Variants in NFE2 observed in about 807,000 individuals in gnomAD.
NFE2 encodes nuclear factor, erythroid 2, also known as transcription factor NF-E2 45 kDa subunit.
Under a neutral mutation model 25.8 loss-of-function variants are expected in NFE2, and 13 were observed. The observed-to-expected ratio is 0.50, with a 90% confidence interval of 0.33 to 0.80. NFE2 has a LOEUF of 0.80. NFE2 is among the 30% of genes least tolerant of loss of function. NFE2 has a pLI of 0.02. For synonymous variants in NFE2, 204 were observed against 200.2 expected (o/e 1.02, Z -0.16); for missense variants, 382 against 478.9 (o/e 0.80, Z 1.89).
intron 2 of NFE2, among the ~76,000 whole-genome samples, chr12:54,293,998 T>C (rs1944344895): frequency 6.6e-6 from 1 of 152,080 alleles, no homozygotes; most frequent in Non-Finnish European, 1.5e-5. Flanking sequence ...CCAGGCATGG[T>C]GGCTCAGGCC....
chr12:54,298,625 G>T (rs1053421794), intron 1 of NFE2, among the ~76,000 whole-genome samples: 3 of 151,992 alleles, frequency 2.0e-5, no homozygotes, highest in Admixed American at 2.0e-4. Flanking sequence ...GCCATAGGTT[G>T]CATCTAGCTC....
rs1337317495 is a variant in NFE2 at position 54,295,151 on chromosome 12, G to T, written c.98C>A (p.Ser33Tyr). Residue 33 changes from serine (S) to tyrosine (Y), a missense_variant, in exon 2 of 3, where the codon TCC (serine) becomes TAC (tyrosine). Transcript: ENST00000435572. ...CTTACTCACCTGCAGCTCGGTGATG[G>T]ACATGATCTCCTGCCAAGTCAGTTC... Reference protein sequence around the residue: ...EMELTWQEIMSITELQGLNAP... With the variant: ...EMELTWQEIMYITELQGLNAP... 3 of 1,613,914 alleles carry T rather than the reference G, an allele frequency of 1.9e-6. No homozygotes were observed. In the Admixed American group the frequency reaches 5.0e-5, roughly 27 times the overall value.
At chr12:54,297,111 T>G (rs886584769) in intron 1 of NFE2, among the ~76,000 whole-genome samples, 22 of 151,886 alleles carry the variant, frequency 1.4e-4, no homozygotes, top group African/African-American at 5.1e-4. Context: ...GGGAAGCACT[T>G]TGGGAGGCCA....
intron 1 of NFE2, among the ~76,000 whole-genome samples, chr12:54,300,452 G>A (rs1382544989): frequency 6.6e-6 from 1 of 152,108 alleles, no homozygotes; most frequent in Admixed American, 6.5e-5. Flanking sequence ...AATGGAGTTG[G>A]GGAAAGGGTA....
At chr12:54,298,057 G>A (rs1018042022) in intron 1 of NFE2, among the ~76,000 whole-genome samples, 2 of 152,074 alleles carry the variant, frequency 1.3e-5, no homozygotes, top group African/African-American at 4.8e-5. Flanking sequence ...ATGGAGAAGG[G>A]GTTTAGGAGG....
intron 1 of NFE2, among the ~76,000 whole-genome samples, chr12:54,297,479 C>T (rs1168697224): frequency 6.7e-6 from 1 of 148,838 alleles, no homozygotes; most frequent in African/African-American, 2.5e-5. Flanking sequence ...GCCTGGCCAA[C>T]ATGGTGAAAC....
intron 1 of NFE2, among the ~76,000 whole-genome samples, chr12:54,297,428 C>G (rs1398843405): frequency 6.8e-6 from 1 of 146,666 alleles, no homozygotes; most frequent in Non-Finnish European, 1.5e-5. Context: ...CTTTGGGAGG[C>G]TGAGGCAGGT....
intron 2 of NFE2, among the ~76,000 whole-genome samples, chr12:54,294,209 G>A (rs1212284613): frequency 6.7e-6 from 1 of 149,678 alleles, no homozygotes; most frequent in Admixed American, 6.7e-5. Context: ...CTGCACTCCA[G>A]CCTGGGCGCC....
Position 54,292,627 on chromosome 12 carries a change from G to A in NFE2, c.869C>T (p.Thr290Ile). ...AQNCRKRKLE[T>I]IVQLERELER... ...CAGCTCCCGCTCCAGCTGCACAATG[G>A]TTTCCAGCTTCCTCTTGCGGCAGTT... Residue 290 changes from threonine to isoleucine, a missense_variant, in exon 3 of 3, where the codon ACC becomes ATC. Transcript: ENST00000435572. 6.2e-7 allele frequency: 1 copy of A among 1,614,206 alleles called. No homozygotes were observed. The highest frequency in any genetic ancestry group is 8.5e-7 in the Non-Finnish European group (1 of 1,180,046).
At chr12:54,295,046 G>C in intron 2 of NFE2, 89 bp downstream of exon 2, 1 of 1,024,388 alleles carries the variant, frequency 9.8e-7, no homozygotes, top group Non-Finnish European at 1.5e-6. Context: ...AGCCCTGCTT[G>C]CTCCTGCCCT....
At position 54,292,458 on chromosome 12, in the gene NFE2, A is replaced by C. The variant is rs775258046; in HGVS notation, c.1038T>G (p.Ser346=). The C allele has an allele frequency of 8.1e-6, 13 of 1,614,040 alleles. No individual in the cohort carries two copies. Among genetic ancestry groups the C allele is most frequent in the Non-Finnish European group, 1.1e-5 (13 of 1,180,020 alleles). Residue 346 remains serine, a synonymous_variant, in exon 3 of 3, where the codon TCT becomes TCG. Transcript: ENST00000435572. ...CCTGTTGCAGCGCGTACTCTTCAGG[A>C]GAGTAGCTGTTGCCTGATTCATCCC... ...HLRDESGNSY[S]PEEYALQQAA...
At position 54,295,229 on chromosome 12, in the gene NFE2, T is replaced by TG. The variant is rs1944360983; in HGVS notation, c.19dup (p.Gln7ProfsTer39). On this transcript the variant is annotated frameshift_variant, in exon 2 of 3. Coordinates refer to ENST00000435572, the MANE Select transcript of NFE2 (RefSeq NM_001136023.3). LOFTEE classifies it high-confidence loss of function. ...CTGTATCACCCTGTTCCTGCTCTGC[T>TG]GGGGAGGACACGGGGACATCCTACT... 1 of 1,614,004 alleles carries TG rather than the reference T, an allele frequency of 6.2e-7. No individual in the cohort carries two copies. Among genetic ancestry groups the TG allele is most frequent in the Admixed American group, 1.7e-5 (1 of 59,996 alleles).
chr12:54,298,351 T>A (rs1944392251), intron 1 of NFE2, among the ~76,000 whole-genome samples: 1 of 151,426 alleles, frequency 6.6e-6, no homozygotes, highest in Non-Finnish European at 1.5e-5. Flanking sequence ...CTACTATAAA[T>A]ACAAAATTAG....
chr12:54,297,815 A>C (rs1323444713), intron 1 of NFE2: 1 of 152,158 alleles, frequency 6.6e-6, no homozygotes, highest in Non-Finnish European at 1.5e-5. Flanking sequence ...TCTTCGACTT[A>C]CCACAAAATT....
chr12:54,299,914 C>T (rs540490523), intron 1 of NFE2, among the ~76,000 whole-genome samples: 4 of 151,470 alleles, frequency 2.6e-5, no homozygotes, highest in African/African-American at 7.3e-5. Flanking sequence ...GGAGAACTCC[C>T]GAAGAGAGAG....
chr12:54,293,456 GATTCTTCTGAAAGTCGC>G (rs1944340355), intron 2 of NFE2, 75 bp from the exon 3 acceptor site: 1 of 1,370,650 alleles, frequency 7.3e-7, no homozygotes, highest in Non-Finnish European at 9.5e-7. Context: ...GAACAAGCTG[GATTCTTCTGAAAGTCGC>G]AGTGAGGTAG....
Position 54,292,429 on chromosome 12 carries a change from G to A in NFE2, c.1067C>T (p.Ala356Val). 6.2e-7 allele frequency: 1 copy of A among 1,614,206 alleles called. No individual in the cohort carries two copies. Among genetic ancestry groups the A allele is most frequent in the Middle Eastern group, 1.6e-4 (1 of 6,062 alleles). Residue 356 changes from alanine (A) to valine (V), a missense_variant, in exon 3 of 3, where the codon GCC becomes GTC. Transcript: ENST00000435572. ...SPEEYALQQA[A>V]DGTIFLVPRG... The stretch of plus-strand genomic sequence containing the variant: ...GGGCACAAGGAAGATGGTCCCATCG[G>A]CAGCCTGTTGCAGCGCGTACTCTTC...
chr12:54,295,506 CCA>C, intron 1 of NFE2: 1 of 398,912 alleles, frequency 2.5e-6, no homozygotes, highest in East Asian at 5.1e-5. Context: ...CCAACTATGG[CCA>C]CAGTCAGTTC....
intron 2 of NFE2, among the ~76,000 whole-genome samples, chr12:54,294,227 G>C (rs1349126679): frequency 2.8e-5 from 4 of 144,700 alleles, no homozygotes; most frequent in Non-Finnish European, 4.5e-5. Flanking sequence ...GCCAGAGCGA[G>C]ACACCGTCTC....
Sources: gnomAD v4.1 joint callset for allele counts (sites outside exome capture counted in the v4.1 genomes callset) on GRCh38, gnomAD v4.1.1 for gene constraint, MANE v1.5 for transcripts, NCBI Gene and HGNC (gene_info 2026-07-23, HGNC 2026-07-21) for gene names.